Variants in HPSE2 observed in about 807,000 individuals in gnomAD.
The protein encoded by HPSE2 is inactive heparanase-2.
Under a neutral mutation model 60.5 loss-of-function variants are expected in HPSE2, and 38 were observed. The observed-to-expected ratio is 0.63, with a 90% CI of 0.48 to 0.82. The LOEUF (loss-of-function observed/expected upper bound fraction) is 0.82, where lower values mean the gene tolerates loss of function less well. Among genes scored for constraint, HPSE2 ranks in the 40% least tolerant of loss-of-function variants. The pLI, the probability that HPSE2 is intolerant of heterozygous loss-of-function variation, is 0.00. For missense variants in HPSE2, 713 were observed against 740.4 expected, an observed-to-expected ratio of 0.96 and a Z score of 0.43; for synonymous variants, 295 against 293.2, an observed-to-expected ratio of 1.01 and a Z score of -0.06.
intron 3 of HPSE2, among the ~76,000 whole-genome samples, chr10:99,033,825 A>T (rs1957551830): frequency 6.6e-6 from 1 of 152,040 alleles, no homozygotes; most frequent in African/African-American, 2.4e-5. Context: ...CAACAACAGC[A>T]GGCGCTATAA....
intron 9 of HPSE2, among the ~76,000 whole-genome samples, chr10:98,512,364 G>A (rs903002130): frequency 2.6e-5 from 4 of 152,138 alleles, no homozygotes; most frequent in Non-Finnish European, 4.4e-5. Flanking sequence ...GGCGGATCAC[G>A]AGGTCCGGAG....
Position 98,720,292 on chromosome 10 carries a change from G to C in HPSE2, c.956+1365C>G, listed in dbSNP as rs924183269. On this transcript the variant is annotated intron_variant, in intron 5 of 11. Transcript: ENST00000370552. ...GGTTATTGCATTACTAACCAAATTT[G>C]GGGGATAAGAGGAAACATAAGAATT... Among the ~76,000 whole-genome samples the C allele has an allele frequency of 4.0e-5, 6 of 151,854 alleles. No individual in the cohort carries two copies. The South Asian group carries it at 1.2e-3, about 31-fold the overall frequency.
At chr10:98,941,152 A>G (rs1954986444) in intron 3 of HPSE2, among the ~76,000 whole-genome samples, 2 of 141,542 alleles carry the variant, frequency 1.4e-5, no homozygotes, top group Middle Eastern at 7.1e-3. Context: ...AACTGGAAGC[A>G]ATCCCTTAGA....
chr10:98,735,968 T>C (rs757330789), intron 4 of HPSE2, among the ~76,000 whole-genome samples: 8 of 152,012 alleles, frequency 5.3e-5, no homozygotes, highest in Non-Finnish European at 1.0e-4. Context: ...GAAGGCATGA[T>C]TGGTTTTTAA....
chr10:98,999,018 G>C (rs1324923011), intron 3 of HPSE2, among the ~76,000 whole-genome samples: 14 of 152,192 alleles, frequency 9.2e-5, no homozygotes, highest in African/African-American at 3.1e-4. Flanking sequence ...GGGTTTGTAT[G>C]TAAGAGGAGA....
chr10:98,771,431 C>A (rs1950238485), intron 3 of HPSE2, among the ~76,000 whole-genome samples: 1 of 152,104 alleles, frequency 6.6e-6, no homozygotes, highest in South Asian at 2.1e-4. Context: ...GTAGCACCTG[C>A]CCTGTGTTGG....
At chr10:98,510,592 C>G (rs1009272996) in intron 9 of HPSE2, among the ~76,000 whole-genome samples, 4 of 152,224 alleles carry the variant, frequency 2.6e-5, no homozygotes, top group Non-Finnish European at 5.9e-5. Flanking sequence ...TTTGATGATA[C>G]ACTACAGAGC....
chr10:98,521,136 A>C (rs1294361235), intron 9 of HPSE2, among the ~76,000 whole-genome samples: 1 of 152,252 alleles, frequency 6.6e-6, no homozygotes, highest in Non-Finnish European at 1.5e-5. Flanking sequence ...CAAAATTGAC[A>C]AATGGGATCT....
chr10:98,612,237 A>G (rs927935605), intron 9 of HPSE2, among the ~76,000 whole-genome samples: 2 of 152,214 alleles, frequency 1.3e-5, no homozygotes, highest in African/African-American at 4.8e-5. Context: ...AAAAGACATC[A>G]AAGAGGCTAC....
intron 6 of HPSE2, among the ~76,000 whole-genome samples, chr10:98,685,727 T>C (rs1947898498): frequency 6.6e-6 from 1 of 152,196 alleles, no homozygotes. Context: ...AAAAGTTTTT[T>C]TTGGTGGCAT....
chr10:98,697,659 C>T (rs957140914), intron 5 of HPSE2, among the ~76,000 whole-genome samples: 7 of 151,978 alleles, frequency 4.6e-5, no homozygotes, highest in Admixed American at 1.3e-4. Flanking sequence ...TACAGAGAAC[C>T]GCACTAAGAT....
the HPSE2 span, among the ~76,000 whole-genome samples, chr10:99,301,397 C>T: frequency 6.6e-6 from 1 of 152,132 alleles, no homozygotes; most frequent in Admixed American, 6.5e-5. Flanking sequence ...CAGGTATCCC[C>T]CCATATAGCC....
At chr10:99,307,899 G>A in the HPSE2 span, among the ~76,000 whole-genome samples, 2 of 148,644 alleles carry the variant, frequency 1.3e-5, no homozygotes, top group African/African-American at 5.1e-5. Context: ...ACAAAAACCT[G>A]AAACAGAGGT....
At chr10:99,152,647 A>G (rs1030390862) in intron 2 of HPSE2, among the ~76,000 whole-genome samples, 12 of 152,238 alleles carry the variant, frequency 7.9e-5, no homozygotes, top group African/African-American at 2.7e-4. Flanking sequence ...GTAATTTATA[A>G]AAATTAAGTT....
chr10:99,092,362 T>C (rs1843545262), intron 3 of HPSE2, among the ~76,000 whole-genome samples: 1 of 152,100 alleles, frequency 6.6e-6, no homozygotes. Flanking sequence ...AATAATCAGG[T>C]CAGTAAGTAT....
intron 11 of HPSE2, among the ~76,000 whole-genome samples, chr10:98,474,334 C>A (rs373625934): frequency 1.3e-5 from 2 of 152,116 alleles, no homozygotes; most frequent in African/African-American, 4.8e-5. Flanking sequence ...GAGATTGTGG[C>A]GGGTCAGGTG....
chr10:98,598,458 C>T (rs565544293), intron 9 of HPSE2, among the ~76,000 whole-genome samples: 1 of 152,260 alleles, frequency 6.6e-6, no homozygotes, highest in East Asian at 1.9e-4. Context: ...AGCCTGTATC[C>T]ATGACAGCCA....
At chr10:98,809,785 A>G (rs1951125698) in intron 3 of HPSE2, among the ~76,000 whole-genome samples, 1 of 152,210 alleles carries the variant, frequency 6.6e-6, no homozygotes, top group Admixed American at 6.5e-5. Context: ...GCTTCAAAGC[A>G]TGCTACATAT....
chr10:98,794,736 C>G (rs1950735417), intron 3 of HPSE2, among the ~76,000 whole-genome samples: 1 of 152,010 alleles, frequency 6.6e-6, no homozygotes, highest in African/African-American at 2.4e-5. Flanking sequence ...TATAGCATAT[C>G]AGGAGAGGTA....
Sources: gnomAD v4.1 joint callset for allele counts (sites outside exome capture counted in the v4.1 genomes callset) on GRCh38, gnomAD v4.1.1 for gene constraint, MANE v1.5 for transcripts, NCBI Gene and HGNC (gene_info 2026-07-23, HGNC 2026-07-21) for gene names.